Variants in SRPRA observed in about 807,000 individuals in gnomAD.
SRPRA encodes the protein signal recognition particle receptor subunit alpha.
SRPRA carries 30 observed loss-of-function variants against 61.1 expected under a neutral mutation model. The ratio of observed to expected loss-of-function variants is 0.49; its 90% CI spans 0.37 to 0.67. The LOEUF (loss-of-function observed/expected upper bound fraction) is 0.67. Ranked by LOEUF, SRPRA falls within the 30% of genes least tolerant of loss-of-function variation. The pLI, the probability that SRPRA is intolerant of heterozygous loss-of-function variation, is 0.00. For missense variants in SRPRA, 759 were observed against 828.4 expected (o/e 0.92, Z 1.03); for synonymous variants, 324 against 299.7 (o/e 1.08, Z -0.84).
chr11:126,237,325 A>G, the SRPRA span, among the ~76,000 whole-genome samples: 7 of 146,722 alleles, frequency 4.8e-5, no homozygotes, highest in Non-Finnish European at 1.0e-4. Context: ...GGTTCAAGCA[A>G]TTCTCCTGCC....
the SRPRA span, among the ~76,000 whole-genome samples, chr11:126,243,882 C>T: frequency 3.5e-5 from 5 of 142,992 alleles, no homozygotes; most frequent in African/African-American, 7.8e-5. Context: ...ACAGCCTGGA[C>T]GACAGAGCAA....
At chr11:126,253,721 G>T in the SRPRA span, among the ~76,000 whole-genome samples, 1 of 152,094 alleles carries the variant, frequency 6.6e-6, no homozygotes, top group Non-Finnish European at 1.5e-5. The surrounding 1 kb of genome is among the most constrained non-coding windows in gnomAD (Gnocchi z 5.1). Flanking sequence ...TGATATAAGG[G>T]GACCATACTT....
At chr11:126,261,279 C>A, downstream of SRPRA, 1 of 645,138 alleles carries the variant, frequency 1.6e-6, no homozygotes, top group Non-Finnish European at 2.7e-6. Flanking sequence ...CTCTCTGCCT[C>A]CTTATCTTCT....
chr11:126,265,671 A>C lies in SRPRA; in HGVS notation c.1138+66T>G, dbSNP rs535431773. The C allele has an allele frequency of 4.5e-6, 7 of 1,542,620 alleles. No individual in the cohort carries two copies. Among genetic ancestry groups the C allele is most frequent in the South Asian group, 2.3e-5 (2 of 88,518 alleles). ...GGAATTTGCCGAAAGTCACATACCTAGTAAGAACTGAGGTCTATGCACTTA... is the reference window on the plus strand; with the variant it reads ...GGAATTTGCCGAAAGTCACATACCTCGTAAGAACTGAGGTCTATGCACTTA... On this transcript the variant is annotated intron_variant, in intron 9 of 13. Coordinates refer to ENST00000332118, the MANE Select transcript of SRPRA (RefSeq NM_003139.4). The surrounding 1 kb of genome is among the most constrained non-coding windows in gnomAD (Gnocchi z 6.3).
chr11:126,239,251 C>G, the SRPRA span, among the ~76,000 whole-genome samples: 1 of 152,240 alleles, frequency 6.6e-6, no homozygotes. Flanking sequence ...GCATGAACCA[C>G]TGCACTTAGC....
the SRPRA span, among the ~76,000 whole-genome samples, chr11:126,251,550 C>G: frequency 6.6e-6 from 1 of 152,136 alleles, no homozygotes; most frequent in Non-Finnish European, 1.5e-5. Flanking sequence ...TTCTCTGGTC[C>G]AAGTGTCTTC....
the SRPRA span, among the ~76,000 whole-genome samples, chr11:126,250,123 G>A: frequency 3.5e-5 from 5 of 143,018 alleles, 1 homozygote; most frequent in South Asian, 8.8e-4. This position sits in a 1 kb window ranked among gnomAD's most constrained non-coding sequence, Gnocchi z 5.1. Context: ...ATGGAGTCTC[G>A]CTCCGTCGCC....
chr11:126,266,954 G>A (rs750587275), intron 4 of SRPRA, 32 bp from the exon 5 acceptor site: 1 of 1,603,304 alleles, frequency 6.2e-7, no homozygotes. Context: ...GAAGAAAAAA[G>A]AAGACCAATC....
In SRPRA at chr11:126,264,083, A is replaced by T; in HGVS notation, c.1789-39T>A. On this transcript the variant is annotated intron_variant, in intron 13 of 13. Coordinates refer to ENST00000332118, the MANE Select transcript of SRPRA (RefSeq NM_003139.4). The surrounding 1 kb of genome is among the most constrained non-coding windows in gnomAD (Gnocchi z 5.0). Reference sequence around the variant, plus strand: ...GAGGACAGCCCATCAACACAAGCCCACTTTTCACTCACCCTCTCAGGAACA... The same window carrying T: ...GAGGACAGCCCATCAACACAAGCCCTCTTTTCACTCACCCTCTCAGGAACA... 1 of 1,613,734 alleles carries T rather than the reference A, an allele frequency of 6.2e-7. No homozygotes were observed.
At chr11:126,236,120 T>C in the SRPRA span, among the ~76,000 whole-genome samples, 5 of 152,330 alleles carry the variant, frequency 3.3e-5, no homozygotes, top group East Asian at 9.6e-4. Context: ...GTTCCTGATA[T>C]TTGCTATTTC....
chr11:126,262,357 G>A (rs1950718587), downstream of SRPRA: 3 of 571,460 alleles, frequency 5.2e-6, no homozygotes, highest in Admixed American at 3.2e-5. Context: ...AAAAGCGACA[G>A]CAGGACCCAA....
the SRPRA span, among the ~76,000 whole-genome samples, chr11:126,257,783 C>T: frequency 5.3e-5 from 8 of 151,894 alleles, no homozygotes; most frequent in Non-Finnish European, 1.0e-4. Context: ...TATTTGGAAA[C>T]GGATAATGGT....
chr11:126,266,686 G>A (rs1401708862), intron 5 of SRPRA, 57 bp from the exon 6 acceptor site: 1 of 1,608,306 alleles, frequency 6.2e-7, no homozygotes, highest in South Asian at 1.1e-5. Context: ...GGAAACATGA[G>A]CCAGAGACCA....
chr11:126,241,550 A>G, the SRPRA span, among the ~76,000 whole-genome samples: 1 of 151,722 alleles, frequency 6.6e-6, no homozygotes, highest in Non-Finnish European at 1.5e-5. Context: ...AAATTTATTT[A>G]TTTATTTATT....
Position 126,264,054 on chromosome 11 carries a change from G to A in SRPRA, c.1789-10C>T, listed in dbSNP as rs539791744. ...AAATAGCAGCTCCCACCTAAGTGGA[G>A]AAAGAGGACAGCCCATCAACACAAG... On this transcript the variant is annotated splice_polypyrimidine_tract_variant and intron_variant, in intron 13 of 13. Transcript: ENST00000332118. This position sits in a 1 kb window ranked among gnomAD's most constrained non-coding sequence, Gnocchi z 5.0. 6.1e-5 allele frequency: 99 copies of A among 1,614,090 alleles called. 1 individual carries two copies. In the South Asian group the frequency reaches 1.0e-3, roughly 17 times the overall value.
chr11:126,263,248 G>A lies in SRPRA; in HGVS notation c.*668C>T, dbSNP rs1950739691. 1 of 152,358 alleles carries A rather than the reference G, an allele frequency of 6.6e-6. No individual in the cohort carries two copies. 9.4% of individuals were successfully genotyped at this position (152,358 alleles called of 1,614,324 possible). On this transcript the variant is annotated 3_prime_UTR_variant, in exon 14 of 14. Coordinates refer to ENST00000332118, the MANE Select transcript of SRPRA (RefSeq NM_003139.4). ...CTGGATTCTGGGAGTGGGAAGAGTTGGGAGGCCAAGAAGCCCAATGCAACG... is the reference window on the plus strand; with the variant it reads ...CTGGATTCTGGGAGTGGGAAGAGTTAGGAGGCCAAGAAGCCCAATGCAACG...
chr11:126,265,002 A>G lies in SRPRA; in HGVS notation c.1482T>C (p.Tyr494=). The G allele has an allele frequency of 4.3e-6, 7 of 1,614,200 alleles. No homozygotes were observed. The highest frequency in any genetic ancestry group is 5.9e-6 in the Non-Finnish European group (7 of 1,180,038). ...TGGCAATGCCAGCAGCATCCTTGCCATAGCCCTTTTCAAACAACTGCACCA... is the reference window on the plus strand; with the variant it reads ...TGGCAATGCCAGCAGCATCCTTGCCGTAGCCCTTTTCAAACAACTGCACCA... The part of the protein sequence containing the change: ...RTMVQLFEKG[Y]GKDAAGIAME... Residue 494 remains tyrosine, a synonymous_variant, in exon 11 of 14, where the codon TAT becomes TAC. Transcript: ENST00000332118. This position sits in a 1 kb window ranked among gnomAD's most constrained non-coding sequence, Gnocchi z 6.3.
the SRPRA span, among the ~76,000 whole-genome samples, chr11:126,250,281 C>T: frequency 7.2e-5 from 11 of 151,936 alleles, no homozygotes; most frequent in African/African-American, 1.7e-4. This position sits in a 1 kb window ranked among gnomAD's most constrained non-coding sequence, Gnocchi z 5.1. Flanking sequence ...TTAGTAGAGA[C>T]GGGGTTTCAC....
At chr11:126,237,083 A>AT in the SRPRA span, among the ~76,000 whole-genome samples, 3 of 148,298 alleles carry the variant, frequency 2.0e-5, no homozygotes, top group Admixed American at 2.0e-4. Context: ...TGCCCGGCTA[A>AT]TTTTTTGTAT....
Sources: gnomAD v4.1 joint callset for allele counts (sites outside exome capture counted in the v4.1 genomes callset) on GRCh38, gnomAD v4.1.1 for gene constraint, Gnocchi (gnomAD v3.1) non-coding constraint, MANE v1.5 for transcripts, NCBI Gene and HGNC (gene_info 2026-07-23, HGNC 2026-07-21) for gene names.